Variants in CFAP20DC observed in about 807,000 individuals in gnomAD.
CFAP20DC encodes protein CFAP20DC.
Under a neutral mutation model 101.7 loss-of-function variants are expected in CFAP20DC, and 84 were observed. The observed-to-expected ratio is 0.83, with a 90% CI of 0.69 to 0.99. The LOEUF (loss-of-function observed/expected upper bound fraction) is 0.99, where lower values mean the gene tolerates loss of function less well. Among genes scored for constraint, CFAP20DC ranks in the 50% least tolerant of loss-of-function variants. The probability of loss-of-function intolerance (pLI) is 0.00; values close to 1 mark genes in which losing one functional copy is unlikely to be tolerated. For missense variants in CFAP20DC, 1,007 were observed against 970.3 expected (o/e 1.04, Z -0.50); for synonymous variants, 359 against 351.2 (o/e 1.02, Z -0.25).
At position 58,913,891 on chromosome 3, in the gene CFAP20DC, T is replaced by A; in HGVS notation, c.394-27A>T. ...TAAAATAGAGAGATGCAAAGAAGAG[T>A]AAGGACCTTTCATCAACACATAAAT... On this transcript the variant is annotated intron_variant, in intron 5 of 16. Transcript: ENST00000482387. This position sits in a 1 kb window ranked among gnomAD's most constrained non-coding sequence, Gnocchi z 4.4. 2 of 1,610,994 alleles carry A rather than the reference T, an allele frequency of 1.2e-6. No homozygotes were observed. The highest frequency in any genetic ancestry group is 2.2e-5 in the East Asian group (1 of 44,830).
intron 12 of CFAP20DC, among the ~76,000 whole-genome samples, chr3:58,849,949 G>C (rs2078074973): frequency 6.6e-6 from 1 of 152,054 alleles, no homozygotes; most frequent in Admixed American, 6.6e-5. Context: ...GTTTTATAAA[G>C]TATTTTTCTT....
rs543563577 is a variant in CFAP20DC, at chr3:58,808,691, C to A, written c.2176-2235G>T. 9.2e-5 allele frequency among the ~76,000 whole-genome samples: 14 copies of A among 152,318 alleles called. No individual in the cohort carries two copies. In the South Asian group the frequency reaches 2.9e-3, roughly 32 times the overall value. On this transcript the variant is annotated intron_variant, in intron 14 of 16. Coordinates refer to ENST00000482387, the MANE Select transcript of CFAP20DC (RefSeq NM_001394063.1). ...AAATAACCAGCTAACATCATAATGA[C>A]AGGATCAAATTCACACATAACTATA...
At chr3:58,815,040 G>A (rs1489288091) in intron 14 of CFAP20DC, among the ~76,000 whole-genome samples, 5 of 150,944 alleles carry the variant, frequency 3.3e-5, no homozygotes, top group East Asian at 3.9e-4. Context: ...AAAAGAGCCC[G>A]CATCGCCAAA....
At chr3:58,716,648 G>C (rs1297794696), downstream of CFAP20DC, among the ~76,000 whole-genome samples, 1 of 152,126 alleles carries the variant, frequency 6.6e-6, no homozygotes, top group East Asian at 1.9e-4. Flanking sequence ...CCTGCACTGC[G>C]ATTCTCCTAT....
At chr3:58,787,999 C>A (rs1056914606) in intron 15 of CFAP20DC, among the ~76,000 whole-genome samples, 1 of 148,638 alleles carries the variant, frequency 6.7e-6, no homozygotes, top group African/African-American at 2.5e-5. Flanking sequence ...GGGTGGGGTG[C>A]TAGGGGAGGG....
At chr3:58,759,755 C>G (rs904954044) in intron 15 of CFAP20DC, among the ~76,000 whole-genome samples, 1 of 152,182 alleles carries the variant, frequency 6.6e-6, no homozygotes, top group African/African-American at 2.4e-5. Context: ...CTACATATGG[C>G]TAGCCAGTTT....
rs1350831745 is a variant in CFAP20DC at position 59,049,811 on chromosome 3, C to T, written c.-180G>A. On this transcript the variant is annotated 5_prime_UTR_variant, in exon 1 of 17. An upstream start codon of the reference 5' UTR is lost. Transcript: ENST00000482387. Reference sequence around the variant, plus strand: ...AGCCCCTCCGGCCCCTGGTCAGCTCCATCTCCCGCCCTCCATCAGCACCAT... The same window carrying T: ...AGCCCCTCCGGCCCCTGGTCAGCTCTATCTCCCGCCCTCCATCAGCACCAT... 5 of 678,910 alleles carry T rather than the reference C, an allele frequency of 7.4e-6. No homozygotes were observed. Among genetic ancestry groups the T allele is most frequent in the Non-Finnish European group, 9.8e-6 (4 of 409,140 alleles). The allele number at this position is 678,910 out of a possible 1,614,324, so 42.1% of individuals were successfully genotyped here. A position where few individuals can be genotyped will look rare whatever the true frequency, so the allele number is the denominator to read the frequency against.
intron 12 of CFAP20DC, among the ~76,000 whole-genome samples, chr3:58,851,398 T>C (rs770827679): frequency 6.6e-6 from 1 of 152,140 alleles, no homozygotes; most frequent in Non-Finnish European, 1.5e-5. Flanking sequence ...AGAGTTCAAG[T>C]CAGTATGTCA....
chr3:58,992,542 A>G, intron 4 of CFAP20DC: 1 of 983,216 alleles, frequency 1.0e-6, no homozygotes, highest in African/African-American at 1.7e-5. Context: ...GTCCTAGTCT[A>G]CACTAATCTC....
chr3:58,888,572 CT>C (rs1300092447), intron 6 of CFAP20DC, among the ~76,000 whole-genome samples: 2 of 152,128 alleles, frequency 1.3e-5, no homozygotes, highest in Non-Finnish European at 2.9e-5. Flanking sequence ...TCCCCAACCC[CT>C]GACAAGCCCT....
At chr3:58,993,925 T>C (rs1311023936) in intron 4 of CFAP20DC, among the ~76,000 whole-genome samples, 1 of 152,248 alleles carries the variant, frequency 6.6e-6, no homozygotes, top group East Asian at 1.9e-4. Flanking sequence ...TAGAATGATT[T>C]ATATTCCTTT....
chr3:58,731,960 T>C (rs1265203883), intron 3 of CFAP20DC, among the ~76,000 whole-genome samples: 1 of 152,236 alleles, frequency 6.6e-6, no homozygotes, highest in Non-Finnish European at 1.5e-5. Context: ...GGACAATTCC[T>C]GAGCCTGTTT....
intron 5 of CFAP20DC, among the ~76,000 whole-genome samples, chr3:58,930,273 G>A (rs2086461722): frequency 6.6e-6 from 1 of 152,036 alleles, no homozygotes. Flanking sequence ...ACCCTAATCT[G>A]GATGACTGCA....
At chr3:58,764,857 G>T (rs750458508) in intron 15 of CFAP20DC, among the ~76,000 whole-genome samples, 13 of 152,134 alleles carry the variant, frequency 8.5e-5, no homozygotes, top group Non-Finnish European at 1.8e-4. Context: ...CTTGAAACTG[G>T]AGGGAGAGGG....
At chr3:58,884,424 T>C (rs2081452050) in intron 7 of CFAP20DC, 121 bp downstream of exon 7, 2 of 864,156 alleles carry the variant, frequency 2.3e-6, no homozygotes, top group Admixed American at 2.4e-5. Flanking sequence ...GTGGCAAGTA[T>C]ACTCTGTTAA....
At chr3:58,884,133 T>C (rs973210453) in intron 7 of CFAP20DC, among the ~76,000 whole-genome samples, 16 of 152,100 alleles carry the variant, frequency 1.1e-4, no homozygotes, top group African/African-American at 3.4e-4. Context: ...TAGAACTGAA[T>C]TGTGGCTCTC....
intron 4 of CFAP20DC, among the ~76,000 whole-genome samples, chr3:59,023,558 G>A (rs2093841466): frequency 6.6e-6 from 1 of 152,046 alleles, no homozygotes. Flanking sequence ...TGGCAAGGAG[G>A]AGGAGTGGAA....
In CFAP20DC at chr3:59,049,728, G is replaced by A; in HGVS notation, c.-97C>T. On this transcript the variant is annotated 5_prime_UTR_variant, in exon 1 of 17. Coordinates refer to ENST00000482387, the MANE Select transcript of CFAP20DC (RefSeq NM_001394063.1). ...TGGAAATCGGCTGGCGGGAACCCAG[G>A]AGCCCGACGGGTGGGAAAGGGCTTC... The A allele has an allele frequency of 1.4e-6, 2 of 1,439,516 alleles. No individual in the cohort carries two copies. The highest frequency in any genetic ancestry group is 4.3e-5 in the Admixed American group (2 of 46,634). 89.2% of individuals were successfully genotyped at this position (1,439,516 alleles called of 1,614,324 possible).
At chr3:59,011,942 C>A (rs957346603) in intron 4 of CFAP20DC, among the ~76,000 whole-genome samples, 1 of 152,084 alleles carries the variant, frequency 6.6e-6, no homozygotes. Flanking sequence ...ATGAAAGGTG[C>A]AGAGAGTTTA....
Sources: gnomAD v4.1 joint callset for allele counts (sites outside exome capture counted in the v4.1 genomes callset) on GRCh38, gnomAD v4.1.1 for gene constraint, Gnocchi (gnomAD v3.1) non-coding constraint, MANE v1.5 for transcripts, NCBI Gene and HGNC (gene_info 2026-07-23, HGNC 2026-07-21) for gene names.